SOS2: variants seen among roughly 807,000 people sequenced by gnomAD.
SOS2 encodes the protein son of sevenless homolog 2.
SOS2 carries 65 observed loss-of-function variants against 148.2 expected under a neutral mutation model. The observed-to-expected ratio is 0.44, with a 90% CI of 0.36 to 0.54. The LOEUF (loss-of-function observed/expected upper bound fraction) is 0.54. Ranked by LOEUF, SOS2 falls within the 20% of genes least tolerant of loss-of-function variation. The probability of loss-of-function intolerance (pLI) is 0.00; values close to 1 mark genes in which losing one functional copy is unlikely to be tolerated. For missense variants in SOS2, 1,341 were observed against 1,590.2 expected, an observed-to-expected ratio of 0.84 and a Z score of 2.67; for synonymous variants, 539 against 537.1, an observed-to-expected ratio of 1.00 and a Z score of -0.05.
chr14:50,121,525 TGGG>T (rs199712037), intron 21 of SOS2, among the ~76,000 whole-genome samples: 211 of 14,202 alleles, frequency 0.015, 9 homozygotes, highest in African/African-American at 0.024. Flanking sequence ...AGTTACTTCC[TGGG>T]GGAGGGGGGG....
chr14:50,194,105 C>A (rs1886242403), intron 4 of SOS2, among the ~76,000 whole-genome samples: 1 of 152,172 alleles, frequency 6.6e-6, no homozygotes, highest in Non-Finnish European at 1.5e-5. Context: ...GGGATCATGA[C>A]AGGAATGTCT....
Position 50,133,242 on chromosome 14 carries a change from C to CTTTTTTTTTTTTTTTTTTTTT in SOS2, c.3075+880_3075+881insAAAAAAAAAAAAAAAAAAAAA, listed in dbSNP as rs753590435. On this transcript the variant is annotated intron_variant, in intron 19 of 22. Coordinates refer to ENST00000216373, the MANE Select transcript of SOS2 (RefSeq NM_006939.4). Reference sequence around the variant, plus strand: ...TTTCCATGAACTTTTTTTCTTTTTTCTTTTTTCTTTTTTTTTTTTTTTGAG... The same window carrying CTTTTTTTTTTTTTTTTTTTTT: ...TTTCCATGAACTTTTTTTCTTTTTTCTTTTTTTTTTTTTTTTTTTTTTTTTTTCTTTTTTTTTTTTTTTGAG... Among the ~76,000 whole-genome samples, 12 of 78,814 alleles carry CTTTTTTTTTTTTTTTTTTTTT rather than the reference C, an allele frequency of 1.5e-4. 2 individuals carry two copies. Among genetic ancestry groups the CTTTTTTTTTTTTTTTTTTTTT allele is most frequent in the Admixed American group, 4.0e-4 (2 of 5,044 alleles). 51.7% of individuals were successfully genotyped at this position (78,814 alleles called of 152,430 possible).
At chr14:50,160,379 CTTTTTT>C (rs200021758) in intron 9 of SOS2, among the ~76,000 whole-genome samples, 8 of 78,920 alleles carry the variant, frequency 1.0e-4, no homozygotes, top group African/African-American at 2.5e-4. Flanking sequence ...CAATGCTAAT[CTTTTTT>C]TTTTTTTTTT....
intron 12 of SOS2, chr14:50,156,798 A>G (rs1566830097): frequency 7.1e-6 from 2 of 282,884 alleles, no homozygotes; most frequent in Middle Eastern, 1.1e-3. Flanking sequence ...GAATTTCTTC[A>G]GGGTATTTAA....
intron 4 of SOS2, among the ~76,000 whole-genome samples, chr14:50,192,143 C>CAAAAA (rs201836422): frequency 1.0e-4 from 12 of 118,924 alleles, no homozygotes; most frequent in Admixed American, 3.5e-4. Context: ...GTCCTTGTCA[C>CAAAAA]AAAAAAAAAA....
chr14:50,157,675 T>C (rs925032624), intron 11 of SOS2, among the ~76,000 whole-genome samples: 1 of 152,162 alleles, frequency 6.6e-6, no homozygotes, highest in Non-Finnish European at 1.5e-5. Flanking sequence ...CACATTACAC[T>C]GACTCAGTCT....
At chr14:50,215,436 C>T in intron 1 of SOS2, 2 of 1,276,242 alleles carry the variant, frequency 1.6e-6, no homozygotes, top group Middle Eastern at 2.1e-4. Context: ...TACACTTCTA[C>T]AGAGACAGTA....
chr14:50,200,341 T>C (rs963226274), intron 3 of SOS2, among the ~76,000 whole-genome samples: 2 of 152,140 alleles, frequency 1.3e-5, no homozygotes, highest in African/African-American at 4.8e-5. Context: ...TATTTTGCCC[T>C]ATGCGTTAAT....
chr14:50,166,926 G>A (rs541628027), intron 8 of SOS2, among the ~76,000 whole-genome samples: 1 of 152,156 alleles, frequency 6.6e-6, no homozygotes, highest in Non-Finnish European at 1.5e-5. Context: ...CCTATGACTA[G>A]GCTGGGCACA....
intron 1 of SOS2, among the ~76,000 whole-genome samples, chr14:50,206,627 T>C (rs550479626): frequency 4.1e-4 from 62 of 152,354 alleles, no homozygotes; most frequent in African/African-American, 1.4e-3. Context: ...ATCTATGGAT[T>C]AAGAACCCAA....
At chr14:50,170,650 G>T (rs1291395022) in intron 8 of SOS2, among the ~76,000 whole-genome samples, 1 of 152,006 alleles carries the variant, frequency 6.6e-6, no homozygotes, top group Non-Finnish European at 1.5e-5. Flanking sequence ...TCCAGCCTGG[G>T]TAACAGAGCA....
At chr14:50,211,391 T>C (rs1886864075) in intron 1 of SOS2, among the ~76,000 whole-genome samples, 1 of 152,096 alleles carries the variant, frequency 6.6e-6, no homozygotes. Flanking sequence ...CTAGGTATAT[T>C]GTGTCATGCT....
intron 14 of SOS2, among the ~76,000 whole-genome samples, chr14:50,147,900 T>G (rs1462116679): frequency 6.6e-6 from 1 of 151,740 alleles, no homozygotes; most frequent in Non-Finnish European, 1.5e-5. Flanking sequence ...GCAGGAGGAC[T>G]GCCTGAGGCC....
chr14:50,135,094 AAAGAAAGAAAG>A (rs1884033683), intron 18 of SOS2, among the ~76,000 whole-genome samples: 1 of 86,430 alleles, frequency 1.2e-5, no homozygotes, highest in Non-Finnish European at 2.1e-5. Flanking sequence ...AAAAAAAAAG[AAAGAAAGAAAG>A]AAAGAAAGAA....
intron 4 of SOS2, among the ~76,000 whole-genome samples, chr14:50,188,977 T>C (rs565224141): frequency 1.3e-3 from 191 of 151,074 alleles, no homozygotes; most frequent in Non-Finnish European, 2.0e-3. Flanking sequence ...GGCAGGAGAA[T>C]TGCTTGAGCC....
intron 1 of SOS2, among the ~76,000 whole-genome samples, chr14:50,207,776 C>A (rs751188386): frequency 8.6e-5 from 13 of 151,272 alleles, no homozygotes; most frequent in Non-Finnish European, 1.3e-4. Context: ...TGTGGTGGCA[C>A]AGGCTTGTAA....
intron 11 of SOS2, 89 bp from the exon 12 acceptor site, chr14:50,157,210 T>G: frequency 6.8e-7 from 1 of 1,459,884 alleles, no homozygotes; most frequent in Non-Finnish European, 9.2e-7. Context: ...TTCCTACCAC[T>G]TCCACGAAAA....
At chr14:50,169,473 T>TA (rs1436444619) in intron 8 of SOS2, among the ~76,000 whole-genome samples, 108 of 150,534 alleles carry the variant, frequency 7.2e-4, no homozygotes, top group African/African-American at 1.8e-3. Context: ...CCATCTCTAC[T>TA]AAAAAAAAAT....
rs1337021769 is a variant in SOS2 at position 50,159,439 on chromosome 14, A to G, written c.1844T>C (p.Met615Thr). The change falls in exon 10 of 23, where the codon ATG becomes ACG. Residue 615 changes from methionine (M) to threonine (T), a missense_variant. Physicochemically the swap from Met to Thr is moderately conservative, Grantham distance 81. Transcript: ENST00000216373. ...TAATGAGTTTCACATACCTGCATACATATGATATGTTAACCTTTCAATTAA... is the reference window on the plus strand; with the variant it reads ...TAATGAGTTTCACATACCTGCATACGTATGATATGTTAACCTTTCAATTAA... ...VKLIERLTYHMYADPNFVRTF... is the reference protein window; with the variant it reads ...VKLIERLTYHTYADPNFVRTF... 6.2e-7 allele frequency: 1 copy of G among 1,604,402 alleles called. No individual in the cohort carries two copies. Among genetic ancestry groups the G allele is most frequent in the Non-Finnish European group, 8.5e-7 (1 of 1,173,186 alleles).
Sources: allele counts gnomAD v4.1 joint callset (sites outside exome capture counted in the v4.1 genomes callset), GRCh38; gene constraint gnomAD v4.1.1; transcripts MANE v1.5; gene names NCBI Gene and HGNC (gene_info 2026-07-23, HGNC 2026-07-21).